ST6GALNAC3: variants seen among roughly 807,000 people sequenced by gnomAD.
ST6GALNAC3 encodes the protein ST6 N-acetylgalactosaminide alpha-2,6-sialyltransferase 3.
ST6GALNAC3 carries 25 observed loss-of-function variants against 32.7 expected under a neutral mutation model. The observed-to-expected ratio is 0.76, with a 90% CI of 0.56 to 1.07. ST6GALNAC3 has a LOEUF of 1.07. ST6GALNAC3 is among the 50% of genes least tolerant of loss of function. The probability of loss-of-function intolerance (pLI) is 0.00; values close to 1 mark genes in which losing one functional copy is unlikely to be tolerated. For missense variants in ST6GALNAC3, 355 were observed against 382.4 expected, an observed-to-expected ratio of 0.93 and a Z score of 0.60; for synonymous variants, 129 against 133.1, an observed-to-expected ratio of 0.97 and a Z score of 0.21.
At position 76,125,679 on chromosome 1, in the gene ST6GALNAC3, G is replaced by A. The variant is rs1346383860; in HGVS notation, c.18+50795G>A. ...GACATGTGTTTCCCATCAGCAGACA[G>A]CAGACTCTTTTGTAGCTGGGTTCAA... On this transcript the variant is annotated intron_variant, in intron 1 of 4. Coordinates refer to ENST00000328299, the MANE Select transcript of ST6GALNAC3 (RefSeq NM_152996.4). Among the ~76,000 whole-genome samples the A allele has an allele frequency of 4.6e-5, 7 of 152,294 alleles. No homozygotes were observed. The East Asian group carries it at 1.2e-3, about 25-fold the overall frequency.
intron 1 of ST6GALNAC3, among the ~76,000 whole-genome samples, chr1:76,218,888 A>T (rs541794761): frequency 2.0e-5 from 3 of 152,162 alleles, no homozygotes; most frequent in South Asian, 2.1e-4. Context: ...TACTTGTGCT[A>T]TTTATGTTTA....
intron 1 of ST6GALNAC3, among the ~76,000 whole-genome samples, chr1:76,081,287 A>G (rs1646892131): frequency 1.7e-5 from 1 of 58,114 alleles, no homozygotes; most frequent in Non-Finnish European, 4.7e-5. Flanking sequence ...TGGTGAGCTA[A>G]AAAAAAAAAA....
intron 1 of ST6GALNAC3, among the ~76,000 whole-genome samples, chr1:76,170,439 G>T (rs1652416104): frequency 6.6e-6 from 1 of 152,214 alleles, no homozygotes; most frequent in Non-Finnish European, 1.5e-5. Flanking sequence ...GGAGTGATTG[G>T]TCAGCATGGG....
intron 1 of ST6GALNAC3, among the ~76,000 whole-genome samples, chr1:76,160,653 C>A (rs1013080709): frequency 6.6e-6 from 1 of 152,190 alleles, no homozygotes; most frequent in African/African-American, 2.4e-5. Flanking sequence ...AAATAAGGGG[C>A]TTGCACCAGA....
intron 1 of ST6GALNAC3, among the ~76,000 whole-genome samples, chr1:76,119,633 G>A (rs1485562313): frequency 6.6e-6 from 1 of 152,182 alleles, no homozygotes; most frequent in Non-Finnish European, 1.5e-5. Flanking sequence ...TATCATACTG[G>A]ATATTTCAGA....
chr1:76,477,667 C>G (rs1036356777), intron 3 of ST6GALNAC3, among the ~76,000 whole-genome samples: 3 of 152,176 alleles, frequency 2.0e-5, no homozygotes, highest in Admixed American at 1.3e-4. Flanking sequence ...GTCTGCCTCT[C>G]CCTGCATTCT....
intron 1 of ST6GALNAC3, among the ~76,000 whole-genome samples, chr1:76,261,742 C>CTTGGA (rs1228749263): frequency 6.6e-6 from 1 of 152,194 alleles, no homozygotes; most frequent in Non-Finnish European, 1.5e-5. Context: ...CTCACTGGAG[C>CTTGGA]TTGGATGGGA....
rs1423119078 is a variant in ST6GALNAC3, at chr1:76,628,702, GC to G, written c.818del (p.Pro273HisfsTer23). The G allele has an allele frequency of 1.2e-6, 2 of 1,612,172 alleles. No individual in the cohort carries two copies. The highest frequency in any genetic ancestry group is 8.5e-7 in the Non-Finnish European group (1 of 1,179,020). ...ECDEYFLHEHAPYGGHRFITE... is the reference protein window; with the variant it reads ...ECDEYFLHEHXPYGGHRFITE... ...TGATGAATATTTTCTTCATGAACAT[GC>G]CCCATATGGGGGTCATAGGTTTATC... On this transcript the variant is annotated frameshift_variant, in exon 5 of 5. Transcript: ENST00000328299. LOFTEE classifies it high-confidence loss of function.
chr1:76,575,087 G>C (rs1053094952), intron 3 of ST6GALNAC3, among the ~76,000 whole-genome samples: 4 of 152,112 alleles, frequency 2.6e-5, no homozygotes, highest in Non-Finnish European at 2.9e-5. Flanking sequence ...CTAACATGCA[G>C]AACATGTTGT....
chr1:76,136,449 T>C (rs796728654), intron 1 of ST6GALNAC3, among the ~76,000 whole-genome samples: 5 of 152,296 alleles, frequency 3.3e-5, no homozygotes, highest in African/African-American at 7.2e-5. Context: ...TGTAATCTAA[T>C]TAAGTGGCGT....
chr1:76,615,889 A>G (rs988644913), intron 3 of ST6GALNAC3, among the ~76,000 whole-genome samples: 1 of 150,690 alleles, frequency 6.6e-6, no homozygotes, highest in Non-Finnish European at 1.5e-5. Context: ...GAAAGAAATT[A>G]CTACTGTTTT....
At chr1:76,112,961 C>T (rs979561146) in intron 1 of ST6GALNAC3, among the ~76,000 whole-genome samples, 7 of 152,160 alleles carry the variant, frequency 4.6e-5, no homozygotes, top group South Asian at 2.1e-4. Context: ...GCTGCAATCT[C>T]GGCACTTTGG....
intron 3 of ST6GALNAC3, among the ~76,000 whole-genome samples, chr1:76,582,915 G>T (rs1229307149): frequency 6.6e-6 from 1 of 152,088 alleles, no homozygotes; most frequent in Non-Finnish European, 1.5e-5. Flanking sequence ...TTCTCTTAAA[G>T]TACTACTAAA....
chr1:76,101,061 C>T (rs1647213262), intron 1 of ST6GALNAC3, among the ~76,000 whole-genome samples: 1 of 152,112 alleles, frequency 6.6e-6, no homozygotes, highest in Admixed American at 6.6e-5. Context: ...AGGATTCACT[C>T]TTGGTGTTGT....
chr1:76,566,591 G>A (rs968705791), intron 3 of ST6GALNAC3, among the ~76,000 whole-genome samples: 16 of 151,804 alleles, frequency 1.1e-4, no homozygotes, highest in Middle Eastern at 6.8e-3. Flanking sequence ...TCTTCCCTGC[G>A]CTACCCAGTG....
chr1:76,379,309 C>A (rs1051650089), intron 2 of ST6GALNAC3, among the ~76,000 whole-genome samples: 7 of 152,032 alleles, frequency 4.6e-5, no homozygotes, highest in Non-Finnish European at 8.8e-5. Context: ...CCTTTTTCTC[C>A]CTGCATCTTG....
intron 2 of ST6GALNAC3, among the ~76,000 whole-genome samples, chr1:76,369,388 G>A (rs1051102357): frequency 2.0e-5 from 3 of 152,136 alleles, no homozygotes; most frequent in African/African-American, 7.2e-5. Flanking sequence ...ATGTATATAT[G>A]TAGCTCACTA....
At chr1:76,164,876 TA>T (rs533102364) in intron 1 of ST6GALNAC3, among the ~76,000 whole-genome samples, 11 of 151,994 alleles carry the variant, frequency 7.2e-5, no homozygotes, top group Admixed American at 2.6e-4. Flanking sequence ...CAAGACTTTC[TA>T]AAAAAAATGC....
At chr1:76,499,150 G>T (rs1661031371) in intron 3 of ST6GALNAC3, among the ~76,000 whole-genome samples, 1 of 152,126 alleles carries the variant, frequency 6.6e-6, no homozygotes, top group South Asian at 2.1e-4. Flanking sequence ...TATAGTTAAA[G>T]AAATGCCACT....
Sources: gnomAD v4.1 joint callset for allele counts (sites outside exome capture counted in the v4.1 genomes callset) on GRCh38, gnomAD v4.1.1 for gene constraint, MANE v1.5 for transcripts, NCBI Gene and HGNC (gene_info 2026-07-23, HGNC 2026-07-21) for gene names.